HSD17B11: variants seen among roughly 807,000 people sequenced by gnomAD.
HSD17B11 encodes hydroxysteroid 17-beta dehydrogenase 11.
A neutral mutation model predicts 27.8 loss-of-function variants in HSD17B11; 22 were observed. The observed-to-expected ratio is 0.79, with a 90% CI of 0.56 to 1.13. The LOEUF is 1.13. Ranked by LOEUF, HSD17B11 falls within the 50% of genes most tolerant of loss-of-function variation. The pLI is 0.00. For synonymous variants in HSD17B11, 117 were observed against 132.8 expected (o/e 0.88, Z 0.82); for missense variants, 314 against 351.1 (o/e 0.89, Z 0.84).
chr4:87,377,374 C>T (rs369634654), intron 2 of HSD17B11, among the ~76,000 whole-genome samples: 1 of 148,358 alleles, frequency 6.7e-6, no homozygotes, highest in Non-Finnish European at 1.5e-5. Flanking sequence ...CGCCTGAACC[C>T]GGGAGGCGGA....
chr4:87,374,932 T>C, intron 2 of HSD17B11, 102 bp from the exon 3 acceptor site: 1 of 860,936 alleles, frequency 1.2e-6, no homozygotes, highest in Non-Finnish European at 1.7e-6. Context: ...CTTGCTCTGT[T>C]GCCCAGGCTG....
chr4:87,384,055 A>G (rs77698737), intron 1 of HSD17B11, among the ~76,000 whole-genome samples: 5,747 of 152,202 alleles, frequency 0.038, 386 homozygotes, highest in African/African-American at 0.13. Context: ...GAGAATTAGT[A>G]GCTTGCATAG....
intron 5 of HSD17B11, among the ~76,000 whole-genome samples, chr4:87,342,077 T>C (rs1318613044): frequency 6.6e-6 from 1 of 152,070 alleles, no homozygotes; most frequent in African/African-American, 2.4e-5. Flanking sequence ...TTTTAATGTG[T>C]GTGTCTAGTT....
At chr4:87,375,833 CTATT>C (rs1436721354) in intron 2 of HSD17B11, among the ~76,000 whole-genome samples, 15 of 86,654 alleles carry the variant, frequency 1.7e-4, no homozygotes, top group African/African-American at 8.7e-4. Context: ...GCCACATTTT[CTATT>C]TATTTCTGTT....
In HSD17B11 at chr4:87,357,314, G is replaced by A. The variant is rs1308272269; in HGVS notation, c.660C>T (p.Phe220=). 20 of 1,612,012 alleles carry A rather than the reference G, an allele frequency of 1.2e-5. No homozygotes were observed. Among genetic ancestry groups the A allele is most frequent in the Non-Finnish European group, 1.6e-5 (19 of 1,179,358 alleles). Residue 220 remains phenylalanine (F), a synonymous_variant, in exon 5 of 7, where the codon TTC becomes TTT. Transcript: ENST00000358290. ...GVKTTCLCPN[F]VNTGFIKNPS... is the part of the protein sequence containing the mutation. ...GATTTTTGATGAAGCCAGTGTTTAC[G>A]AAATTAGGACACAGACATGTTGTTT...
chr4:87,374,507 T>C (rs888560042), intron 3 of HSD17B11, 192 bp downstream of exon 3: 8 of 436,590 alleles, frequency 1.8e-5, no homozygotes, highest in Non-Finnish European at 2.4e-5. Flanking sequence ...ATTGTTATTA[T>C]TAATGTTGTC....
intron 2 of HSD17B11, among the ~76,000 whole-genome samples, chr4:87,375,438 G>C (rs945437452): frequency 1.3e-5 from 2 of 152,094 alleles, no homozygotes; most frequent in Non-Finnish European, 2.9e-5. Flanking sequence ...ACTTCAAAGG[G>C]TAAGCAAAAA....
intron 2 of HSD17B11, among the ~76,000 whole-genome samples, chr4:87,378,869 T>A (rs866353624): frequency 0.015 from 273 of 18,660 alleles, 33 homozygotes; most frequent in African/African-American, 0.035. Context: ...TATATATAAA[T>A]ATATATATAT....
intron 4 of HSD17B11, among the ~76,000 whole-genome samples, chr4:87,364,144 T>TTTTGG (rs774546796): frequency 9.5e-6 from 1 of 105,280 alleles, no homozygotes; most frequent in Non-Finnish European, 2.1e-5. Flanking sequence ...ATTTTTGTTT[T>TTTTGG]TTTGTTTTGT....
intron 5 of HSD17B11, among the ~76,000 whole-genome samples, 161 bp downstream of exon 5, chr4:87,357,118 G>A (rs1443753594): frequency 6.6e-6 from 1 of 152,066 alleles, no homozygotes; most frequent in Non-Finnish European, 1.5e-5. Flanking sequence ...TCTCTTTTTG[G>A]CTTTCCACCT....
At chr4:87,361,890 C>A (rs1431977399) in intron 4 of HSD17B11, among the ~76,000 whole-genome samples, 6 of 152,188 alleles carry the variant, frequency 3.9e-5, no homozygotes, top group African/African-American at 1.4e-4. Flanking sequence ...ATCTTTCTGG[C>A]AACCACGAAG....
Position 87,353,733 on chromosome 4 carries a change from G to C in HSD17B11, c.695+3546C>G, listed in dbSNP as rs374822610. 1.4e-3 allele frequency among the ~76,000 whole-genome samples: 209 copies of C among 152,190 alleles called. 2 individuals carry two copies. In the South Asian group the frequency reaches 0.028, roughly 20 times the overall value. ...AGGTCAGCTCTGTGCGGCCTTGTAGGGGGGGCAAGGTTAAAAAATTCAATT... is the reference window on the plus strand; with the variant it reads ...AGGTCAGCTCTGTGCGGCCTTGTAGCGGGGGCAAGGTTAAAAAATTCAATT... On this transcript the variant is annotated intron_variant, in intron 5 of 6. Coordinates refer to ENST00000358290, the MANE Select transcript of HSD17B11 (RefSeq NM_016245.5).
At chr4:87,361,947 T>C (rs1190135346) in intron 4 of HSD17B11, among the ~76,000 whole-genome samples, 1 of 152,124 alleles carries the variant, frequency 6.6e-6, no homozygotes, top group African/African-American at 2.4e-5. Flanking sequence ...TTTGGGTAAG[T>C]GTTGGGGTCC....
chr4:87,359,972 T>C (rs553272394), intron 4 of HSD17B11, among the ~76,000 whole-genome samples: 56 of 152,250 alleles, frequency 3.7e-4, no homozygotes, highest in African/African-American at 1.3e-3. Context: ...AATACTCTAA[T>C]AGATAAATGG....
chr4:87,364,956 G>A (rs932847186), intron 4 of HSD17B11, among the ~76,000 whole-genome samples: 3 of 152,172 alleles, frequency 2.0e-5, no homozygotes, highest in Non-Finnish European at 4.4e-5. Context: ...ATCACTTGAG[G>A]TCAGGAGTTC....
intron 4 of HSD17B11, among the ~76,000 whole-genome samples, chr4:87,363,715 GACTACTTCTGAGAAAAGAA>G (rs1048553359): frequency 6.6e-6 from 1 of 152,180 alleles, no homozygotes; most frequent in African/African-American, 2.4e-5. Flanking sequence ...AACTAATCTA[GACTACTTCTGAGAAAAGAA>G]ATAGACACTG....
intron 4 of HSD17B11, among the ~76,000 whole-genome samples, chr4:87,357,913 C>G (rs1397567422): frequency 7.6e-6 from 1 of 132,370 alleles, no homozygotes; most frequent in East Asian, 2.4e-4. Context: ...ATGATAGTAT[C>G]TATCTCAGAT....
intron 5 of HSD17B11, among the ~76,000 whole-genome samples, chr4:87,357,012 C>A (rs1735398721): frequency 6.6e-6 from 1 of 152,146 alleles, no homozygotes; most frequent in Non-Finnish European, 1.5e-5. Context: ...CATATTTAAG[C>A]CTGTGAATCA....
intron 4 of HSD17B11, among the ~76,000 whole-genome samples, chr4:87,358,487 G>GT (rs1028432080): frequency 2.0e-5 from 3 of 151,836 alleles, no homozygotes; most frequent in African/African-American, 4.8e-5. Flanking sequence ...ACTTTCTCAG[G>GT]TTTTTTTAAT....
Sources: allele counts gnomAD v4.1 joint callset (sites outside exome capture counted in the v4.1 genomes callset), GRCh38; gene constraint gnomAD v4.1.1; transcripts MANE v1.5; gene names NCBI Gene and HGNC (gene_info 2026-07-23, HGNC 2026-07-21).